AUTS2: variants seen among roughly 807,000 people sequenced by gnomAD.
The protein encoded by AUTS2 is autism susceptibility gene 2 protein.
In AUTS2, 17 loss-of-function variants were observed where a neutral mutation model predicts 112.4. That is an observed-to-expected ratio of 0.15 (90% CI 0.10 to 0.23). The LOEUF is 0.23. Ranked by LOEUF, AUTS2 falls within the 10% of genes least tolerant of loss-of-function variation. The pLI is 1.00. For synonymous variants in AUTS2, 751 were observed against 702.7 expected (o/e 1.07, Z -1.09); for missense variants, 1,510 against 1,701.6 (o/e 0.89, Z 1.98).
chr7:70,084,956 T>C (rs975668901), intron 2 of AUTS2, among the ~76,000 whole-genome samples: 4 of 152,124 alleles, frequency 2.6e-5, no homozygotes, highest in African/African-American at 9.7e-5. Flanking sequence ...CACCGTAACC[T>C]TGAACTCCTG....
At chr7:70,182,825 AACTAAAGCAT>A (rs1809390958) in intron 4 of AUTS2, among the ~76,000 whole-genome samples, 1 of 151,606 alleles carries the variant, frequency 6.6e-6, no homozygotes, top group Non-Finnish European at 1.5e-5. Flanking sequence ...AGTAGGATTG[AACTAAAGCAT>A]ACTTAAACCA....
At chr7:69,613,045 GA>G (rs1793133303) in intron 1 of AUTS2, among the ~76,000 whole-genome samples, 1 of 152,170 alleles carries the variant, frequency 6.6e-6, no homozygotes, top group East Asian at 1.9e-4. Flanking sequence ...ATGAAAAAAA[GA>G]ATAATAATCT....
chr7:70,399,821 A>AAGC (rs1213177616), intron 4 of AUTS2, among the ~76,000 whole-genome samples: 7 of 152,226 alleles, frequency 4.6e-5, no homozygotes, highest in Non-Finnish European at 8.8e-5. Context: ...GAGTGTTGGT[A>AAGC]AGCATACAGC....
At chr7:70,106,994 C>T (rs1426491041) in intron 2 of AUTS2, among the ~76,000 whole-genome samples, 2 of 151,738 alleles carry the variant, frequency 1.3e-5, no homozygotes, top group African/African-American at 4.8e-5. Flanking sequence ...GTGGCAATCT[C>T]GTCAGTAAGT....
intron 1 of AUTS2, among the ~76,000 whole-genome samples, chr7:69,807,452 T>A (rs1240602453): frequency 6.6e-6 from 1 of 152,162 alleles, no homozygotes; most frequent in African/African-American, 2.4e-5. Context: ...TTGCTTGACT[T>A]CTCTTTTGAG....
chr7:70,460,037 C>G (rs144038399), intron 5 of AUTS2, among the ~76,000 whole-genome samples: 37 of 152,306 alleles, frequency 2.4e-4, no homozygotes, highest in African/African-American at 8.7e-4. Context: ...TTCATTCAGT[C>G]ATCCCCACAG....
rs145170949 is a variant in AUTS2, at chr7:70,370,294, A to G, written c.661-65458A>G. Among the ~76,000 whole-genome samples the G allele has an allele frequency of 1.8e-3, 275 of 152,162 alleles. 1 individual carries two copies. Among genetic ancestry groups the G allele is most frequent in the Middle Eastern group, 0.01 (3 of 294 alleles). On this transcript the variant is annotated intron_variant, in intron 4 of 18. Transcript: ENST00000342771. ...ATCAATTTCATGACCCAAAAAAGAA[A>G]CCCTGCACTCCCTATCCATACCTCC...
intron 1 of AUTS2, among the ~76,000 whole-genome samples, chr7:69,769,389 A>G (rs1788564630): frequency 6.6e-6 from 1 of 152,304 alleles, no homozygotes; most frequent in South Asian, 2.1e-4. Flanking sequence ...CCTTCCAAGT[A>G]TTGACTGCTG....
At position 70,790,653 on chromosome 7, in the gene AUTS2, G is replaced by T. The variant is rs150926322; in HGVS notation, c.3437G>T (p.Gly1146Val). Residue 1146 changes from glycine to valine, a missense_variant, in exon 19 of 19, where the codon GGA becomes GTA. This residue lies in a region of AUTS2 where 788 missense variants were observed against 797.6 expected (regional missense o/e 0.99). Coordinates refer to ENST00000342771, the MANE Select transcript of AUTS2 (RefSeq NM_015570.4). This position sits in a 1 kb window ranked among gnomAD's most constrained non-coding sequence, Gnocchi z 7.6. ...SVDPRREHER[G>V]GHLDERERLH... Reference sequence around the variant, plus strand: ...GACCCTCGGCGGGAGCACGAGCGGGGAGGCCACCTGGACGAGCGGGAGCGC... The same window carrying T: ...GACCCTCGGCGGGAGCACGAGCGGGTAGGCCACCTGGACGAGCGGGAGCGC... 0.011 allele frequency: 17,346 copies of T among 1,613,212 alleles called. 119 individuals are homozygous for T. Among genetic ancestry groups the T allele is most frequent in the Non-Finnish European group, 0.012 (14,609 of 1,179,762 alleles).
chr7:70,069,537 ATGT>A (rs1802654254), intron 2 of AUTS2, among the ~76,000 whole-genome samples: 1 of 152,102 alleles, frequency 6.6e-6, no homozygotes, highest in African/African-American at 2.4e-5. Flanking sequence ...AGCTTTCTTC[ATGT>A]TGTTCTGTGA....
intron 4 of AUTS2, among the ~76,000 whole-genome samples, chr7:70,283,126 C>T (rs1458268901): frequency 6.6e-6 from 1 of 152,066 alleles, no homozygotes; most frequent in Non-Finnish European, 1.5e-5. Context: ...TGCTTTGAAT[C>T]GAAATATTAA....
intron 1 of AUTS2, among the ~76,000 whole-genome samples, chr7:69,871,346 G>C (rs1053161275): frequency 2.0e-5 from 3 of 152,078 alleles, no homozygotes; most frequent in Non-Finnish European, 4.4e-5. Context: ...CTCTGGCTTC[G>C]TCGTAACCAT....
intron 2 of AUTS2, 147 bp downstream of exon 2, chr7:69,899,645 TAAAAG>T: frequency 1.4e-6 from 1 of 709,138 alleles, no homozygotes; most frequent in Non-Finnish European, 2.3e-6. Flanking sequence ...TGCGTGCCTT[TAAAAG>T]AATCTAAAAC....
chr7:70,091,898 T>G (rs1214625601), intron 2 of AUTS2, among the ~76,000 whole-genome samples: 1 of 152,220 alleles, frequency 6.6e-6, no homozygotes, highest in Non-Finnish European at 1.5e-5. Flanking sequence ...TGTAATTTGC[T>G]GTGGTGACAT....
At chr7:70,263,128 G>A (rs1361430228) in intron 4 of AUTS2, among the ~76,000 whole-genome samples, 1 of 151,806 alleles carries the variant, frequency 6.6e-6, no homozygotes, top group Non-Finnish European at 1.5e-5. Flanking sequence ...AATAGTTGTG[G>A]AACAGCTTAG....
At chr7:70,329,537 A>T (rs988568182) in intron 4 of AUTS2, among the ~76,000 whole-genome samples, 2 of 151,250 alleles carry the variant, frequency 1.3e-5, no homozygotes, top group African/African-American at 4.9e-5. Context: ...GATGTTGAGC[A>T]TCTTTTCATG....
chr7:69,675,273 G>T (rs772984272), intron 1 of AUTS2, among the ~76,000 whole-genome samples: 9 of 151,960 alleles, frequency 5.9e-5, no homozygotes, highest in Non-Finnish European at 1.2e-4. Context: ...TTTTTTAGAC[G>T]TACATGAAAC....
chr7:69,794,241 A>G (rs1438111318), intron 1 of AUTS2, among the ~76,000 whole-genome samples: 3 of 152,200 alleles, frequency 2.0e-5, no homozygotes, highest in Admixed American at 6.5e-5. Flanking sequence ...CAAGCTGTGC[A>G]GTACTTAAGA....
intron 5 of AUTS2, among the ~76,000 whole-genome samples, chr7:70,696,045 A>C (rs538286559): frequency 3.3e-5 from 5 of 152,276 alleles, no homozygotes; most frequent in African/African-American, 1.2e-4. Context: ...AAGCCAGGAA[A>C]ATGGTCCAGG....
Sources: gnomAD v4.1 joint callset for allele counts (sites outside exome capture counted in the v4.1 genomes callset) on GRCh38, gnomAD v4.1.1 for gene constraint, gnomAD v4.1.1 regional missense constraint, Gnocchi (gnomAD v3.1) non-coding constraint, MANE v1.5 for transcripts, NCBI Gene and HGNC (gene_info 2026-07-23, HGNC 2026-07-21) for gene names.